The following FKBP14 variants were observed in gnomAD, a reference collection of about 807,000 sequenced individuals.
FKBP14 encodes the protein peptidyl-prolyl cis-trans isomerase FKBP14.
A neutral mutation model predicts 21.6 loss-of-function variants in FKBP14; 20 were observed. The ratio of observed to expected loss-of-function variants is 0.92; its 90% CI spans 0.65 to 1.34. FKBP14 has a LOEUF of 1.34. Among genes scored for constraint, FKBP14 ranks in the 40% most tolerant of loss-of-function variants. The pLI is 0.00. For synonymous variants in FKBP14, 79 were observed against 86.7 expected (o/e 0.91, Z 0.49); for missense variants, 253 against 249.0 (o/e 1.02, Z -0.11).
In FKBP14 at chr7:30,013,013, T is replaced by G. The variant is rs1030040299; in HGVS notation, c.*1722A>C. On this transcript the variant is annotated 3_prime_UTR_variant, in exon 4 of 4. Coordinates refer to ENST00000222803, the MANE Select transcript of FKBP14 (RefSeq NM_017946.4). ...GAATGACAATTTCCTCGTCTATAAA[T>G]TAGGTACAGTGAGATCCACCAGCTT... 4 of 152,108 alleles carry G rather than the reference T, an allele frequency of 2.6e-5. No homozygotes were observed. The highest frequency in any genetic ancestry group is 5.9e-5 in the Non-Finnish European group (4 of 68,026). The allele number at this position is 152,108 out of a possible 1,614,324, so 9.4% of individuals were successfully genotyped here.
intron 1 of FKBP14, among the ~76,000 whole-genome samples, chr7:30,023,463 G>A (rs1371260980): frequency 1.5e-4 from 23 of 152,138 alleles, no homozygotes; most frequent in Admixed American, 7.9e-4. Context: ...TGGCTCTGAC[G>A]GGTAGAAAAG....
In FKBP14 at chr7:30,011,534, C is replaced by A. The variant is rs977915312; in HGVS notation, c.*3201G>T. The A allele has an allele frequency of 2.9e-5, 4 of 137,424 alleles. No individual in the cohort carries two copies. The highest frequency in any genetic ancestry group is 6.2e-5 in the Non-Finnish European group (4 of 64,572). 8.5% of individuals were successfully genotyped at this position (137,424 alleles called of 1,614,324 possible). A position where few individuals can be genotyped will look rare whatever the true frequency, so the allele number is the denominator to read the frequency against. On this transcript the variant is annotated 3_prime_UTR_variant, in exon 4 of 4. Coordinates refer to ENST00000222803, the MANE Select transcript of FKBP14 (RefSeq NM_017946.4). ...TACCATATATATATATATACACACA[C>A]CATATATATATATACTATATATATA...
At position 30,026,563 on chromosome 7, in the gene FKBP14, T is replaced by TTA. The variant is rs1225113079; in HGVS notation, c.-56_-55insTA. The TTA allele has an allele frequency of 4.6e-6, 7 of 1,520,692 alleles. No individual in the cohort carries two copies. Among genetic ancestry groups the TTA allele is most frequent in the Non-Finnish European group, 6.2e-6 (7 of 1,124,478 alleles). 94.2% of individuals were successfully genotyped at this position (1,520,692 alleles called of 1,614,324 possible). ...AAAAGCAGCGAAAGGTCCCTCGACT[T>TTA]CATAGATTTAAGAACGTAGTTCAAG... On this transcript the variant is annotated 5_prime_UTR_variant, in exon 1 of 4. An upstream open reading frame in the 5' UTR gains an earlier in-frame stop. Coordinates refer to ENST00000222803, the MANE Select transcript of FKBP14 (RefSeq NM_017946.4).
In FKBP14 at chr7:30,012,757, C is replaced by T. The variant is rs572762185; in HGVS notation, c.*1978G>A. 5.9e-5 allele frequency: 9 copies of T among 152,304 alleles called. 1 individual carries two copies. Among genetic ancestry groups the T allele is most frequent in the African/African-American group, 2.2e-4 (9 of 41,560 alleles). The allele number at this position is 152,304 out of a possible 1,614,324, so 9.4% of individuals were successfully genotyped here. ...GCAAGATTATGCTATGAAACTGAAG[C>T]CATTTCTATATCATAGTGAGAATTC... On this transcript the variant is annotated 3_prime_UTR_variant, in exon 4 of 4. Transcript: ENST00000222803.
chr7:30,014,447 C>A lies in FKBP14; in HGVS notation c.*288G>T, dbSNP rs952972006. On this transcript the variant is annotated 3_prime_UTR_variant, in exon 4 of 4. Coordinates refer to ENST00000222803, the MANE Select transcript of FKBP14 (RefSeq NM_017946.4). ...TGTCGTGGTATATTCCCAGTTGCAACATTTTAAATTTATAAGTGAGAAAGT... is the reference window on the plus strand; with the variant it reads ...TGTCGTGGTATATTCCCAGTTGCAAAATTTTAAATTTATAAGTGAGAAAGT... 1.0e-5 allele frequency: 2 copies of A among 194,756 alleles called. No individual in the cohort carries two copies. The highest frequency in any genetic ancestry group is 2.1e-5 in the Non-Finnish European group (2 of 96,792). The allele number at this position is 194,756 out of a possible 1,614,324, so 12.1% of individuals were successfully genotyped here.
At position 30,012,099 on chromosome 7, in the gene FKBP14, A is replaced by T. The variant is rs901648077; in HGVS notation, c.*2636T>A. 16 of 152,246 alleles carry T rather than the reference A, an allele frequency of 1.1e-4. No individual in the cohort carries two copies. Among genetic ancestry groups the T allele is most frequent in the African/African-American group, 3.6e-4 (15 of 41,466 alleles). 9.4% of individuals were successfully genotyped at this position (152,246 alleles called of 1,614,324 possible). A position where few individuals can be genotyped will look rare whatever the true frequency, so the allele number is the denominator to read the frequency against. ...GTTCCCACAACGATGAAATAACCTA[A>T]TTAGACATTTCTCAGAGTGCATCTC... On this transcript the variant is annotated 3_prime_UTR_variant, in exon 4 of 4. Coordinates refer to ENST00000222803, the MANE Select transcript of FKBP14 (RefSeq NM_017946.4).
At chr7:30,022,294 A>G (rs1173777461) in intron 2 of FKBP14, 2 of 155,794 alleles carry the variant, frequency 1.3e-5, no homozygotes, top group Non-Finnish European at 2.8e-5. Context: ...CATTCTGAAG[A>G]TGGATAGTGG....
At chr7:30,019,720 G>C (rs1170050404) in intron 2 of FKBP14, among the ~76,000 whole-genome samples, 2 of 152,086 alleles carry the variant, frequency 1.3e-5, no homozygotes, top group Non-Finnish European at 2.9e-5. Flanking sequence ...AGTCTGTTGG[G>C]AGGATAAAGG....
At chr7:30,017,752 C>T (rs916256858) in intron 3 of FKBP14, among the ~76,000 whole-genome samples, 2 of 152,038 alleles carry the variant, frequency 1.3e-5, no homozygotes, top group African/African-American at 4.8e-5. Flanking sequence ...CAGTGGTTCA[C>T]GTCTGTAATC....
At chr7:30,009,235 ATTT>A (rs753340209), downstream of FKBP14, among the ~76,000 whole-genome samples, 1 of 142,820 alleles carries the variant, frequency 7.0e-6, no homozygotes, top group African/African-American at 2.6e-5. Flanking sequence ...TAGTGCTATA[ATTT>A]TTTTTTTTTT....
chr7:30,021,657 G>T (rs112511488), intron 2 of FKBP14, among the ~76,000 whole-genome samples: 9,647 of 151,844 alleles, frequency 0.064, 429 homozygotes, highest in Non-Finnish European at 0.099. Context: ...ACATGTTCAA[G>T]CAATTCTCCT....
At position 30,012,429 on chromosome 7, in the gene FKBP14, C is replaced by T. The variant is rs1789764473; in HGVS notation, c.*2306G>A. 6.6e-6 allele frequency: 1 copy of T among 152,198 alleles called. No individual in the cohort carries two copies. The highest frequency in any genetic ancestry group is 1.5e-5 in the Non-Finnish European group (1 of 68,042). 9.4% of individuals were successfully genotyped at this position (152,198 alleles called of 1,614,324 possible). The stretch of plus-strand genomic sequence containing the variant: ...AGCACCATCGGACAAACTACTTTCC[C>T]TTCTCCCATCATAGAGTATAAGGCT... On this transcript the variant is annotated 3_prime_UTR_variant, in exon 4 of 4. Transcript: ENST00000222803.
downstream of FKBP14, among the ~76,000 whole-genome samples, chr7:30,006,200 C>T (rs986457445): frequency 6.8e-6 from 1 of 147,232 alleles, no homozygotes; most frequent in African/African-American, 2.5e-5. Context: ...TAGCTCACTT[C>T]AGCTTCAGAC....
At chr7:30,020,186 A>C (rs972810482) in intron 2 of FKBP14, 8 of 1,102,966 alleles carry the variant, frequency 7.3e-6, no homozygotes, top group Non-Finnish European at 9.1e-6. Context: ...TCCAAAGAGA[A>C]GACTTATAAA....
rs1408023729 is a variant in FKBP14, at chr7:30,026,497, G to A, written c.12C>T (p.Phe4=). The A allele has an allele frequency of 6.2e-7, 1 of 1,610,924 alleles. No homozygotes were observed. Among genetic ancestry groups the A allele is most frequent in the South Asian group, 1.1e-5 (1 of 90,934 alleles). The change falls in exon 1 of 4, where the codon TTC becomes TTT. Residue 4 remains phenylalanine (F), a synonymous_variant. Coordinates refer to ENST00000222803, the MANE Select transcript of FKBP14 (RefSeq NM_017946.4). ...ACAGAGTCAAGACCGCGTTCCACAAGAAAAGCCTCATGTTGCTGAAGCAAG... is the reference window on the plus strand; with the variant it reads ...ACAGAGTCAAGACCGCGTTCCACAAAAAAAGCCTCATGTTGCTGAAGCAAG... The part of the protein sequence containing the change: MRL[F]LWNAVLTLFV...
intron 1 of FKBP14, among the ~76,000 whole-genome samples, chr7:30,023,814 C>T (rs1790099612): frequency 6.6e-6 from 1 of 152,160 alleles, no homozygotes; most frequent in South Asian, 2.1e-4. Flanking sequence ...TATTTACTAT[C>T]ACAAGGAGAA....
intron 1 of FKBP14, among the ~76,000 whole-genome samples, chr7:30,023,922 T>C (rs917452600): frequency 6.6e-6 from 1 of 152,020 alleles, no homozygotes; most frequent in African/African-American, 2.4e-5. Flanking sequence ...AAGATGAGAA[T>C]TGGGTGGGGC....
intron 1 of FKBP14, among the ~76,000 whole-genome samples, chr7:30,023,801 A>G (rs1182471194): frequency 6.6e-6 from 1 of 152,122 alleles, no homozygotes; most frequent in African/African-American, 2.4e-5. Context: ...ATCTCGTGAG[A>G]CTTATTTACT....
At chr7:30,019,164 A>G in intron 2 of FKBP14, 41 bp from the exon 3 acceptor site, 7 of 1,546,950 alleles carry the variant, frequency 4.5e-6, no homozygotes, top group Non-Finnish European at 6.0e-6. Context: ...AAAAGAGCCA[A>G]AAGTTTTAAT....
Sources: allele counts gnomAD v4.1 joint callset (sites outside exome capture counted in the v4.1 genomes callset), GRCh38; gene constraint gnomAD v4.1.1; transcripts MANE v1.5; gene names NCBI Gene and HGNC (gene_info 2026-07-23, HGNC 2026-07-21).